ZC3H12B: variants seen among roughly 807,000 people sequenced by gnomAD.
ZC3H12B encodes probable ribonuclease ZC3H12B.
A neutral mutation model predicts 43.9 loss-of-function variants in ZC3H12B; 7 were observed. The ratio of observed to expected loss-of-function variants is 0.16; its 90% CI spans 0.09 to 0.30. The LOEUF is 0.30. ZC3H12B is among the 10% of genes least tolerant of loss of function. The pLI is 1.00. For missense variants in ZC3H12B, 475 were observed against 670.2 expected, an observed-to-expected ratio of 0.71 and a Z score of 3.22; for synonymous variants, 222 against 241.7, an observed-to-expected ratio of 0.92 and a Z score of 0.76.
chrX:65,285,701 C>G, the ZC3H12B span, among the ~76,000 whole-genome samples: 1 of 111,487 alleles, frequency 9.0e-6, no homozygotes, highest in East Asian at 2.8e-4. Flanking sequence ...AACAGATGTT[C>G]AAGGGAGTCT....
At chrX:65,235,185 A>G in the ZC3H12B span, among the ~76,000 whole-genome samples, 1 of 111,476 alleles carries the variant, frequency 9.0e-6, no homozygotes, top group African/African-American at 3.3e-5. Context: ...ACTAGAATAA[A>G]TTATATTTCT....
At chrX:65,074,798 A>G in the ZC3H12B span, among the ~76,000 whole-genome samples, 1 of 111,767 alleles carries the variant, frequency 8.9e-6, no homozygotes, top group East Asian at 2.8e-4. Context: ...CTTTAGCTCA[A>G]AATTTTCTGT....
At chrX:65,301,138 C>T in the ZC3H12B span, among the ~76,000 whole-genome samples, 1 of 110,084 alleles carries the variant, frequency 9.1e-6, no homozygotes, top group East Asian at 2.8e-4. Flanking sequence ...AATGCAATAC[C>T]TCGTTACTCC....
the ZC3H12B span, among the ~76,000 whole-genome samples, chrX:65,190,588 G>C: frequency 1.9e-5 from 2 of 105,648 alleles, no homozygotes; most frequent in Non-Finnish European, 3.9e-5. Context: ...CTCATGATTT[G>C]GCTCTCTGTT....
At chrX:65,183,507 T>G in the ZC3H12B span, among the ~76,000 whole-genome samples, 1 of 111,533 alleles carries the variant, frequency 9.0e-6, no homozygotes, top group East Asian at 2.8e-4. Flanking sequence ...GCACGCAATT[T>G]ACCTACATAA....
At chrX:65,419,906 G>T (rs2066999818) in intron 3 of ZC3H12B, among the ~76,000 whole-genome samples, 3 of 111,165 alleles carry the variant, frequency 2.7e-5, no homozygotes, top group Non-Finnish European at 5.7e-5. Flanking sequence ...GTGGACCCAG[G>T]ATCCAGGCTC....
At chrX:65,053,914 A>T in the ZC3H12B span, among the ~76,000 whole-genome samples, 1 of 109,163 alleles carries the variant, frequency 9.2e-6, no homozygotes, top group Non-Finnish European at 1.9e-5. Flanking sequence ...TTCTTTTGAG[A>T]AGTGTCTGTT....
chrX:65,383,554 A>G (rs1279194054), intron 2 of ZC3H12B, among the ~76,000 whole-genome samples: 2 of 111,848 alleles, frequency 1.8e-5, no homozygotes, highest in African/African-American at 3.2e-5. Context: ...CAAGGACTTC[A>G]TGTCTAAAAC....
At chrX:65,321,811 T>A in the ZC3H12B span, among the ~76,000 whole-genome samples, 27 of 111,091 alleles carry the variant, frequency 2.4e-4, no homozygotes, top group African/African-American at 8.8e-4. Context: ...AAATGTCACA[T>A]GTTCTCACTT....
intron 2 of ZC3H12B, among the ~76,000 whole-genome samples, chrX:65,385,631 C>A (rs902534383): frequency 9.0e-6 from 1 of 111,445 alleles, no homozygotes; most frequent in Non-Finnish European, 1.9e-5. Context: ...AATTGAATAC[C>A]CTTTTTTTTT....
the ZC3H12B span, among the ~76,000 whole-genome samples, chrX:65,142,500 TTAAC>T: frequency 1.5e-3 from 171 of 112,624 alleles, 2 homozygotes; most frequent in Admixed American, 3.8e-3. Context: ...CAAAAGTTCT[TTAAC>T]TAATTCCCAG....
chrX:65,193,415 T>G, the ZC3H12B span, among the ~76,000 whole-genome samples: 1 of 111,972 alleles, frequency 8.9e-6, no homozygotes, highest in African/African-American at 3.2e-5. Context: ...ATTTTCCAAT[T>G]TATTGGCACA....
chrX:65,485,103 C>T (rs764051928), upstream of ZC3H12B, among the ~76,000 whole-genome samples: 58 of 112,260 alleles, frequency 5.2e-4, no homozygotes, highest in African/African-American at 1.7e-3. Context: ...ATCTTCCACA[C>T]GTGGCTATCT....
At chrX:65,227,040 C>T in the ZC3H12B span, among the ~76,000 whole-genome samples, 1 of 111,247 alleles carries the variant, frequency 9.0e-6, no homozygotes, top group African/African-American at 3.3e-5. Flanking sequence ...ACCTAATAGA[C>T]GTCTACAGAA....
chrX:65,145,717 G>T, the ZC3H12B span, among the ~76,000 whole-genome samples: 3 of 111,191 alleles, frequency 2.7e-5, no homozygotes, highest in Admixed American at 2.9e-4. Context: ...GTCTGAAGAA[G>T]AATGTATATT....
At chrX:65,313,354 C>T in the ZC3H12B span, among the ~76,000 whole-genome samples, 5 of 112,167 alleles carry the variant, frequency 4.5e-5, no homozygotes, top group Non-Finnish European at 7.5e-5. Flanking sequence ...GAAAATGACT[C>T]TTGCTATTCA....
the ZC3H12B span, among the ~76,000 whole-genome samples, chrX:65,171,526 A>C: frequency 9.0e-6 from 1 of 111,024 alleles, no homozygotes; most frequent in Non-Finnish European, 1.9e-5. Flanking sequence ...CCATTCTCAG[A>C]TCTCAAATTC....
chrX:65,266,731 A>G, the ZC3H12B span, among the ~76,000 whole-genome samples: 2 of 111,436 alleles, frequency 1.8e-5, no homozygotes, highest in African/African-American at 6.5e-5. Flanking sequence ...AATTGTGTTT[A>G]TGGGTTTTCC....
chrX:65,339,872 C>T, the ZC3H12B span, among the ~76,000 whole-genome samples: 3 of 112,156 alleles, frequency 2.7e-5, no homozygotes, highest in African/African-American at 9.7e-5. Context: ...CCACCCCCTG[C>T]ATTGCTTTTC....
Sources: gnomAD v4.1 joint callset for allele counts (sites outside exome capture counted in the v4.1 genomes callset) on GRCh38, gnomAD v4.1.1 for gene constraint, MANE v1.5 for transcripts, NCBI Gene and HGNC (gene_info 2026-07-23, HGNC 2026-07-21) for gene names.